Variants in TBC1D22A observed in about 807,000 individuals in gnomAD.
TBC1D22A encodes the protein putative GTPase activator.
Under a neutral mutation model 60.2 loss-of-function variants are expected in TBC1D22A, and 38 were observed. The observed-to-expected ratio is 0.63, with a 90% CI of 0.49 to 0.83. The LOEUF is 0.83. Ranked by LOEUF, TBC1D22A falls within the 40% of genes least tolerant of loss-of-function variation. The pLI is 0.00. For synonymous variants in TBC1D22A, 302 were observed against 281.7 expected (o/e 1.07, Z -0.72); for missense variants, 628 against 701.0 (o/e 0.90, Z 1.18).
At chr22:47,067,287 C>T (rs1403270211) in intron 11 of TBC1D22A, among the ~76,000 whole-genome samples, 1 of 152,194 alleles carries the variant, frequency 6.6e-6, no homozygotes, top group African/African-American at 2.4e-5. Flanking sequence ...CCATTTTAAC[C>T]ACTCTGTCTC....
rs1298659656 is a variant in TBC1D22A, at chr22:46,776,918, AG to A, written c.62+14071del. Among the ~76,000 whole-genome samples the A allele has an allele frequency of 2.6e-5, 4 of 151,826 alleles. No individual in the cohort carries two copies. The Admixed American group carries it at 2.6e-4, about 10-fold the overall frequency. ...TGTAGGAAGACCTTGAAGGATGTTC[AG>A]CTGGGGAGTGACCCATCCTCTGATG... On this transcript the variant is annotated intron_variant, in intron 1 of 12. Coordinates refer to ENST00000337137, the MANE Select transcript of TBC1D22A (RefSeq NM_014346.5).
chr22:47,155,392 C>T (rs1351281233), intron 12 of TBC1D22A, among the ~76,000 whole-genome samples: 1 of 152,128 alleles, frequency 6.6e-6, no homozygotes, highest in Admixed American at 6.5e-5. Context: ...TTATTTTTAG[C>T]CCTGGTTTGG....
At chr22:47,158,342 G>C (rs1259679208) in intron 12 of TBC1D22A, among the ~76,000 whole-genome samples, 1 of 152,222 alleles carries the variant, frequency 6.6e-6, no homozygotes, top group Non-Finnish European at 1.5e-5. Flanking sequence ...GTAAAGGAGG[G>C]TTCTTTAGCA....
chr22:47,080,426 A>G (rs1394790413), intron 11 of TBC1D22A, among the ~76,000 whole-genome samples: 1 of 152,250 alleles, frequency 6.6e-6, no homozygotes, highest in East Asian at 1.9e-4. Flanking sequence ...TAATAGAATT[A>G]AGTTAGAAAT....
chr22:47,110,112 C>A (rs908062678), intron 11 of TBC1D22A, among the ~76,000 whole-genome samples: 4 of 152,196 alleles, frequency 2.6e-5, no homozygotes, highest in African/African-American at 9.7e-5. Context: ...TGGAACATTC[C>A]AAGCAGCTTC....
chr22:47,122,148 G>A (rs34917358), intron 12 of TBC1D22A, among the ~76,000 whole-genome samples: 39,080 of 152,144 alleles, frequency 0.26, 5,900 homozygotes, highest in East Asian at 0.58. Flanking sequence ...CACTGGGGAT[G>A]AGGAGCTGGG....
At chr22:47,153,610 G>A (rs1203417150) in intron 12 of TBC1D22A, among the ~76,000 whole-genome samples, 1 of 152,110 alleles carries the variant, frequency 6.6e-6, no homozygotes, top group South Asian at 2.1e-4. Flanking sequence ...TGGCCGTCGT[G>A]CAAGCGAAAG....
chr22:46,789,800 A>G (rs567873927), intron 1 of TBC1D22A, among the ~76,000 whole-genome samples: 5 of 152,284 alleles, frequency 3.3e-5, no homozygotes, highest in Admixed American at 3.3e-4. Context: ...AAAGTTTCCT[A>G]CTAAACACTA....
At chr22:46,941,088 T>C (rs1427708750) in intron 8 of TBC1D22A, among the ~76,000 whole-genome samples, 1 of 127,452 alleles carries the variant, frequency 7.8e-6, no homozygotes, top group Non-Finnish European at 1.6e-5. Flanking sequence ...TTGAACAGCA[T>C]GGGGACTGGG....
chr22:46,887,900 G>A (rs572156893), intron 5 of TBC1D22A, among the ~76,000 whole-genome samples: 1 of 152,292 alleles, frequency 6.6e-6, no homozygotes, highest in African/African-American at 2.4e-5. Context: ...TTATAATATG[G>A]AATAGATGAC....
intron 4 of TBC1D22A, among the ~76,000 whole-genome samples, chr22:46,818,628 C>G (rs2085699738): frequency 6.6e-6 from 1 of 152,128 alleles, no homozygotes. Context: ...GTTTTGGTAC[C>G]AGTACCATGC....
chr22:46,828,837 A>T (rs1004255870), intron 4 of TBC1D22A, among the ~76,000 whole-genome samples: 1 of 152,122 alleles, frequency 6.6e-6, no homozygotes, highest in Admixed American at 6.5e-5. Context: ...GCACACACAG[A>T]TACACGCCCT....
chr22:46,902,858 A>G (rs899851016), intron 7 of TBC1D22A, among the ~76,000 whole-genome samples: 1 of 152,264 alleles, frequency 6.6e-6, no homozygotes, highest in Non-Finnish European at 1.5e-5. Flanking sequence ...AGTTGAAGTG[A>G]GGGATGAAGA....
chr22:46,767,953 G>C (rs1344833683), intron 1 of TBC1D22A: 2 of 152,868 alleles, frequency 1.3e-5, no homozygotes, highest in African/African-American at 2.4e-5. Context: ...TTTGATTCTG[G>C]CTGAATGGGG....
At chr22:46,991,549 G>A (rs1223412202) in intron 9 of TBC1D22A, among the ~76,000 whole-genome samples, 1 of 152,230 alleles carries the variant, frequency 6.6e-6, no homozygotes, top group Non-Finnish European at 1.5e-5. Flanking sequence ...GTGGACAGTT[G>A]GGGTTCACTT....
intron 8 of TBC1D22A, among the ~76,000 whole-genome samples, chr22:46,959,350 T>A (rs1478487106): frequency 6.6e-6 from 1 of 152,202 alleles, no homozygotes; most frequent in Non-Finnish European, 1.5e-5. Flanking sequence ...TTGTGAACAG[T>A]GGGTCCTGAC....
intron 4 of TBC1D22A, among the ~76,000 whole-genome samples, chr22:46,854,368 T>C (rs1247566958): frequency 6.6e-6 from 1 of 152,074 alleles, no homozygotes; most frequent in East Asian, 1.9e-4. Flanking sequence ...TCGACATCCC[T>C]TCTCTCCCTC....
chr22:47,131,121 A>G (rs1442065534), intron 12 of TBC1D22A, among the ~76,000 whole-genome samples: 1 of 152,212 alleles, frequency 6.6e-6, no homozygotes, highest in African/African-American at 2.4e-5. Context: ...ACCACAGGGA[A>G]GGGACCAAGC....
At chr22:47,015,803 G>A (rs1346510637) in intron 10 of TBC1D22A, among the ~76,000 whole-genome samples, 2 of 152,184 alleles carry the variant, frequency 1.3e-5, no homozygotes, top group Non-Finnish European at 2.9e-5. Context: ...CCTGGCGTCT[G>A]GAGCATTTCG....
Sources: allele counts gnomAD v4.1 joint callset (sites outside exome capture counted in the v4.1 genomes callset), GRCh38; gene constraint gnomAD v4.1.1; transcripts MANE v1.5; gene names NCBI Gene and HGNC (gene_info 2026-07-23, HGNC 2026-07-21).